PCNX2: variants seen among roughly 807,000 people sequenced by gnomAD.
PCNX2 encodes pecanex 2, also known as pecanex-like protein 2.
Under a neutral mutation model 223.8 loss-of-function variants are expected in PCNX2, and 168 were observed. The observed-to-expected ratio is 0.75, with a 90% CI of 0.66 to 0.85. The LOEUF (loss-of-function observed/expected upper bound fraction) is 0.85. Ranked by LOEUF, PCNX2 falls within the 40% of genes least tolerant of loss-of-function variation. The probability of loss-of-function intolerance (pLI) is 0.00; values close to 1 mark genes in which losing one functional copy is unlikely to be tolerated. For missense variants in PCNX2, 2,507 were observed against 2,675.5 expected (o/e 0.94, Z 1.39); for synonymous variants, 1,006 against 1,052.6 (o/e 0.96, Z 0.86).
chr1:233,140,742 T>A (rs566322664), intron 19 of PCNX2, among the ~76,000 whole-genome samples: 3 of 152,294 alleles, frequency 2.0e-5, no homozygotes, highest in Admixed American at 2.0e-4. Flanking sequence ...GGTGGGGAAA[T>A]GCTTCATCCC....
intron 17 of PCNX2, among the ~76,000 whole-genome samples, chr1:233,177,141 T>C (rs1679521749): frequency 6.6e-6 from 1 of 152,254 alleles, no homozygotes; most frequent in African/African-American, 2.4e-5. Flanking sequence ...TTCAAAGACC[T>C]GTGCTAACAT....
intron 1 of PCNX2, among the ~76,000 whole-genome samples, chr1:233,273,337 A>T (rs1021538938): frequency 2.0e-5 from 3 of 151,956 alleles, no homozygotes; most frequent in Non-Finnish European, 4.4e-5. Flanking sequence ...CCATGGAAGG[A>T]GCAGTGGCCA....
At position 233,054,448 on chromosome 1, in the gene PCNX2, C is replaced by G; in HGVS notation, c.4171G>C (p.Glu1391Gln). 2 of 1,613,600 alleles carry G rather than the reference C, an allele frequency of 1.2e-6. No individual in the cohort carries two copies. The highest frequency in any genetic ancestry group is 1.7e-6 in the Non-Finnish European group (2 of 1,179,718). ...DDNNLNSIFY[E>Q]HLTRTLQESL... The stretch of plus-strand genomic sequence containing the variant: ...TCCTGGAGGGTCCTTGTCAAGTGTT[C>G]ATAAAAAATGGAATTGAGATTGTTG... Residue 1391 changes from glutamate (E) to glutamine (Q), a missense_variant, in exon 25 of 34, where the codon GAA (glutamate) becomes CAA (glutamine). Glu to Gln is a conservative substitution (Grantham distance 29). Transcript: ENST00000258229.
At chr1:233,116,718 TAAC>T (rs1014064164) in intron 21 of PCNX2, among the ~76,000 whole-genome samples, 1 of 151,914 alleles carries the variant, frequency 6.6e-6, no homozygotes, top group Non-Finnish European at 1.5e-5. Context: ...CTCAAATTGA[TAAC>T]AACATCCCAC....
intron 10 of PCNX2, among the ~76,000 whole-genome samples, chr1:233,218,601 A>G (rs1171290082): frequency 6.6e-6 from 1 of 152,158 alleles, no homozygotes; most frequent in Non-Finnish European, 1.5e-5. Context: ...AAAATGAACC[A>G]TGACAACACA....
Position 233,160,419 on chromosome 1 carries a change from G to T in PCNX2, c.3381C>A (p.Ile1127=). 6.2e-7 allele frequency: 1 copy of T among 1,613,650 alleles called. No homozygotes were observed. The highest frequency in any genetic ancestry group is 1.1e-5 in the South Asian group (1 of 91,060). ...CGGCTCCAGCCAAGGCAAACAGCAC[G>T]ATGCTGAGAAATGGCTGCGATAAAA... ...VFLSLRPFLS[I]VLFALAGAVG... The change falls in exon 19 of 34, where the codon ATC becomes ATA. Residue 1127 remains isoleucine, a synonymous_variant. Transcript: ENST00000258229.
At chr1:233,223,173 A>C (rs528490411) in intron 10 of PCNX2, among the ~76,000 whole-genome samples, 9 of 152,312 alleles carry the variant, frequency 5.9e-5, no homozygotes, top group Admixed American at 5.9e-4. Context: ...AGTCCTGGAA[A>C]CCAAGAGAAC....
intron 10 of PCNX2, among the ~76,000 whole-genome samples, chr1:233,222,205 A>C (rs937165175): frequency 6.6e-6 from 1 of 152,186 alleles, no homozygotes; most frequent in Non-Finnish European, 1.5e-5. Context: ...GAAAGACAAA[A>C]GGAAGGCCAG....
chr1:233,080,341 A>G (rs997813624), intron 23 of PCNX2, among the ~76,000 whole-genome samples: 4 of 151,976 alleles, frequency 2.6e-5, no homozygotes, highest in African/African-American at 7.3e-5. Flanking sequence ...ACGGTCCTGT[A>G]GTAGCTAAAC....
rs577776670 is a variant in PCNX2 at position 233,015,607 on chromosome 1, C to A, written c.4840-830G>T. Among the ~76,000 whole-genome samples, 102 of 152,116 alleles carry A rather than the reference C, an allele frequency of 6.7e-4. 1 individual carries two copies. Among genetic ancestry groups the A allele is most frequent in the African/African-American group, 2.4e-3 (98 of 41,482 alleles). ...ACCCAGGAGGCTGAGGCAGGAGAGT[C>A]GCTGGAACCCGGGGGGCAGAGGCTG... On this transcript the variant is annotated intron_variant, in intron 27 of 33. Transcript: ENST00000258229.
chr1:233,200,299 G>A lies in PCNX2; in HGVS notation c.2864-35C>T, dbSNP rs1207437460. The A allele has an allele frequency of 4.1e-6, 6 of 1,454,532 alleles. No individual in the cohort carries two copies. In the East Asian group the frequency reaches 1.3e-4, roughly 30 times the overall value. 90.1% of individuals were successfully genotyped at this position (1,454,532 alleles called of 1,614,324 possible). ...AACAAACAAAATTGACGATAAGCAT[G>A]GGGAACTGTGTTGCCAAGGCTCCTG... On this transcript the variant is annotated intron_variant, in intron 13 of 33. Transcript: ENST00000258229.
At chr1:233,034,554 G>C (rs1029818839) in intron 25 of PCNX2, among the ~76,000 whole-genome samples, 3 of 152,200 alleles carry the variant, frequency 2.0e-5, no homozygotes, top group Non-Finnish European at 2.9e-5. Context: ...CAATTCTTAA[G>C]TATTGAGTGG....
intron 23 of PCNX2, among the ~76,000 whole-genome samples, chr1:233,075,067 A>G (rs572459908): frequency 4.7e-4 from 72 of 152,324 alleles, no homozygotes; most frequent in Non-Finnish European, 8.5e-4. Flanking sequence ...ATGAGACAGC[A>G]ATGGCATTCT....
intron 13 of PCNX2, among the ~76,000 whole-genome samples, chr1:233,206,757 C>T (rs758424500): frequency 6.6e-6 from 1 of 152,066 alleles, no homozygotes; most frequent in African/African-American, 2.4e-5. Context: ...CGGTGGCTCA[C>T]GCCTGTAATC....
chr1:233,086,680 A>C (rs745762948), intron 23 of PCNX2, among the ~76,000 whole-genome samples: 43 of 152,068 alleles, frequency 2.8e-4, no homozygotes, highest in African/African-American at 4.3e-4. Flanking sequence ...CAAAATAATA[A>C]TAATAATAAT....
chr1:233,023,053 G>A (rs897235096), intron 26 of PCNX2, among the ~76,000 whole-genome samples: 12 of 152,214 alleles, frequency 7.9e-5, no homozygotes, highest in Middle Eastern at 3.4e-3. Flanking sequence ...GCTTATCTAC[G>A]TGGCTGTCTA....
rs777958918 is a variant in PCNX2 at position 233,139,687 on chromosome 1, T to C, written c.3659+27A>G. 1.3e-6 allele frequency: 2 copies of C among 1,560,990 alleles called. No individual in the cohort carries two copies. The highest frequency in any genetic ancestry group is 1.9e-5 in the Admixed American group (1 of 51,290). On this transcript the variant is annotated intron_variant, in intron 20 of 33. Transcript: ENST00000258229. The surrounding 1 kb of genome is among the most constrained non-coding windows in gnomAD (Gnocchi z 4.4). ...ATTTTGAAAATGTGACCCAAATCAT[T>C]ATGAAGATAAACCATTAACCACTTA... is the stretch of plus-strand genomic sequence containing the variant.
chr1:233,054,885 T>G (rs1672134599), intron 24 of PCNX2, among the ~76,000 whole-genome samples: 2 of 152,168 alleles, frequency 1.3e-5, no homozygotes, highest in Admixed American at 6.5e-5. Context: ...GAAGAATAAT[T>G]TGTGTAGGGT....
rs1357552884 is a variant in PCNX2 at position 233,054,272 on chromosome 1, G to A, written c.4347C>T (p.Phe1449=). 1 of 1,612,726 alleles carries A rather than the reference G, an allele frequency of 6.2e-7. No individual in the cohort carries two copies. The highest frequency in any genetic ancestry group is 1.3e-5 in the African/African-American group (1 of 74,858). The part of the protein sequence containing the change: ...LVTFQLRGLE[F]RGTYCQQREV... ...CTACAATGAAGAAATTCTTACCTCGGAATTCCAGTCCTCGAAGTTGAAAGG... is the reference window on the plus strand; with the variant it reads ...CTACAATGAAGAAATTCTTACCTCGAAATTCCAGTCCTCGAAGTTGAAAGG... The change falls in exon 25 of 34, where the codon TTC becomes TTT. Residue 1449 remains phenylalanine, a synonymous_variant. Transcript: ENST00000258229.
Sources: gnomAD v4.1 joint callset for allele counts (sites outside exome capture counted in the v4.1 genomes callset) on GRCh38, gnomAD v4.1.1 for gene constraint, Gnocchi (gnomAD v3.1) non-coding constraint, MANE v1.5 for transcripts, NCBI Gene and HGNC (gene_info 2026-07-23, HGNC 2026-07-21) for gene names.